Variants in COLEC10 observed in about 807,000 individuals in gnomAD.
The protein encoded by COLEC10 is collectin-10.
Under a neutral mutation model 28.4 loss-of-function variants are expected in COLEC10, and 22 were observed. That is an observed-to-expected ratio of 0.78 (90% CI 0.55 to 1.11). The LOEUF (loss-of-function observed/expected upper bound fraction) is 1.11, where lower values mean the gene tolerates loss of function less well. Among genes scored for constraint, COLEC10 ranks in the 50% least tolerant of loss-of-function variants. The pLI, the probability that COLEC10 is intolerant of heterozygous loss-of-function variation, is 0.00. For synonymous variants in COLEC10, 125 were observed against 116.1 expected, an observed-to-expected ratio of 1.08 and a Z score of -0.49; for missense variants, 361 against 344.1, an observed-to-expected ratio of 1.05 and a Z score of -0.39.
At chr8:118,990,948 T>C (rs1295051816), upstream of COLEC10, among the ~76,000 whole-genome samples, 1 of 151,774 alleles carries the variant, frequency 6.6e-6, no homozygotes, top group Non-Finnish European at 1.5e-5. Context: ...TACTTAGTAC[T>C]CTTTCTTTTA....
At chr8:118,986,866 A>G in the COLEC10 span, among the ~76,000 whole-genome samples, 1 of 152,152 alleles carries the variant, frequency 6.6e-6, no homozygotes, top group East Asian at 1.9e-4. Context: ...GAAAATTGGT[A>G]GTTTTCAGGT....
intron 1 of COLEC10, among the ~76,000 whole-genome samples, chr8:119,076,265 T>A (rs978515950): frequency 0.13 from 3,675 of 29,268 alleles, 63 homozygotes; most frequent in African/African-American, 0.4. Flanking sequence ...CAAAATTCTT[T>A]TTTTTTTTTT....
At chr8:119,027,784 C>T (rs16891879) in intron 2 of COLEC10, among the ~76,000 whole-genome samples, 6,686 of 152,186 alleles carry the variant, frequency 0.044, 217 homozygotes, top group East Asian at 0.16. Flanking sequence ...TTCAGATGTT[C>T]GTTTCTTTGG....
chr8:118,959,410 A>G, the COLEC10 span, among the ~76,000 whole-genome samples: 4 of 152,072 alleles, frequency 2.6e-5, no homozygotes, highest in African/African-American at 7.2e-5. Flanking sequence ...TTGTCTTTTC[A>G]TTGCTCTGTG....
chr8:119,015,973 C>T (rs1051437941), intron 2 of COLEC10, among the ~76,000 whole-genome samples: 4 of 152,168 alleles, frequency 2.6e-5, no homozygotes, highest in African/African-American at 9.7e-5. Flanking sequence ...TCACAACCAA[C>T]TTATGACAAT....
intron 1 of COLEC10, among the ~76,000 whole-genome samples, chr8:119,002,446 A>G (rs567338543): frequency 2.0e-5 from 3 of 152,270 alleles, no homozygotes; most frequent in African/African-American, 7.2e-5. Context: ...TTTAAATTCT[A>G]TGAATGAATG....
At chr8:119,064,458 A>G (rs907665742), upstream of COLEC10, among the ~76,000 whole-genome samples, 4 of 152,212 alleles carry the variant, frequency 2.6e-5, no homozygotes, top group Non-Finnish European at 5.9e-5. Flanking sequence ...GACTTAGGGT[A>G]GTCTAAACAA....
chr8:119,081,516 C>A (rs931085309), intron 1 of COLEC10, among the ~76,000 whole-genome samples: 1 of 152,066 alleles, frequency 6.6e-6, no homozygotes, highest in Non-Finnish European at 1.5e-5. Context: ...ATATGTCTAT[C>A]TTTCCTTTTA....
intron 2 of COLEC10, among the ~76,000 whole-genome samples, chr8:119,018,186 C>A (rs1261543965): frequency 6.6e-6 from 1 of 152,168 alleles, no homozygotes; most frequent in Non-Finnish European, 1.5e-5. Flanking sequence ...TAGTGGGAGA[C>A]CTTTACTAAA....
the COLEC10 span, among the ~76,000 whole-genome samples, chr8:118,966,791 A>C: frequency 6.6e-6 from 1 of 151,824 alleles, no homozygotes; most frequent in Non-Finnish European, 1.5e-5. Context: ...CTTTCTTCTT[A>C]TTGAATGCCA....
intron 2 of COLEC10, among the ~76,000 whole-genome samples, chr8:119,032,037 A>G (rs1313970509): frequency 2.6e-5 from 4 of 152,206 alleles, no homozygotes; most frequent in Non-Finnish European, 4.4e-5. Context: ...CATTTTACAG[A>G]CGGGAAAATT....
intron 2 of COLEC10, among the ~76,000 whole-genome samples, chr8:119,018,104 C>T (rs1315186615): frequency 6.6e-6 from 1 of 152,176 alleles, no homozygotes; most frequent in Non-Finnish European, 1.5e-5. Context: ...GAATTAAACT[C>T]TGCCTGTATT....
intron 2 of COLEC10, among the ~76,000 whole-genome samples, chr8:119,024,036 A>G (rs1814143927): frequency 6.6e-6 from 1 of 152,162 alleles, no homozygotes; most frequent in African/African-American, 2.4e-5. Flanking sequence ...TGGGAGGTAA[A>G]GAGTATAGGG....
chr8:119,081,603 A>G (rs1046328068), intron 1 of COLEC10, among the ~76,000 whole-genome samples: 16 of 152,228 alleles, frequency 1.1e-4, no homozygotes, highest in Non-Finnish European at 2.1e-4. Context: ...GAACTGAAAG[A>G]CATTTTGATG....
At chr8:119,039,017 C>T (rs1034574292) in intron 2 of COLEC10, among the ~76,000 whole-genome samples, 1 of 151,956 alleles carries the variant, frequency 6.6e-6, no homozygotes, top group Non-Finnish European at 1.5e-5. Context: ...TAAATGGTAC[C>T]ATCAAATTCT....
At chr8:119,077,957 G>A (rs1012764074) in intron 1 of COLEC10, among the ~76,000 whole-genome samples, 4 of 152,310 alleles carry the variant, frequency 2.6e-5, no homozygotes, top group South Asian at 2.1e-4. Context: ...TGCTTCTGGT[G>A]AGGGCCTCAG....
intron 2 of COLEC10, among the ~76,000 whole-genome samples, chr8:119,019,657 C>G (rs993831092): frequency 4.6e-5 from 7 of 152,076 alleles, no homozygotes; most frequent in Admixed American, 4.6e-4. Context: ...CATGACACAC[C>G]GCTGAACCTC....
upstream of COLEC10, among the ~76,000 whole-genome samples, chr8:118,993,730 G>T (rs539630352): frequency 6.6e-6 from 1 of 152,086 alleles, no homozygotes; most frequent in African/African-American, 2.4e-5. Context: ...AAATGAGGGC[G>T]CATGTTAGTG....
At chr8:118,973,365 G>C in the COLEC10 span, among the ~76,000 whole-genome samples, 1 of 151,912 alleles carries the variant, frequency 6.6e-6, no homozygotes, top group African/African-American at 2.4e-5. Flanking sequence ...CTGGGGCTAA[G>C]GTTTTATCTG....
Sources: allele counts gnomAD v4.1 joint callset (sites outside exome capture counted in the v4.1 genomes callset), GRCh38; gene constraint gnomAD v4.1.1; transcripts MANE v1.5; gene names NCBI Gene and HGNC (gene_info 2026-07-23, HGNC 2026-07-21).